Variants in ZFYVE9 observed in about 807,000 individuals in gnomAD.
The protein encoded by ZFYVE9 is zinc finger FYVE-type containing 9.
A neutral mutation model predicts 126.7 loss-of-function variants in ZFYVE9; 43 were observed. The ratio of observed to expected loss-of-function variants is 0.34; its 90% CI spans 0.27 to 0.44. The LOEUF (loss-of-function observed/expected upper bound fraction) is 0.44, where lower values mean the gene tolerates loss of function less well. ZFYVE9 is among the 20% of genes least tolerant of loss of function. The pLI is 1.00. For synonymous variants in ZFYVE9, 521 were observed against 597.4 expected (o/e 0.87, Z 1.87); for missense variants, 1,476 against 1,697.0 (o/e 0.87, Z 2.29).
intron 1 of ZFYVE9, among the ~76,000 whole-genome samples, chr1:52,156,490 G>A (rs1644404547): frequency 6.6e-6 from 1 of 152,170 alleles, no homozygotes; most frequent in South Asian, 2.1e-4. Context: ...CCCAGGGGAC[G>A]GAGAGCTATT....
chr1:52,332,410 A>T (rs1646350848), intron 13 of ZFYVE9, among the ~76,000 whole-genome samples: 1 of 152,198 alleles, frequency 6.6e-6, no homozygotes, highest in Admixed American at 6.5e-5. Flanking sequence ...ATTCTTTTGA[A>T]CTTAGAATTT....
intron 13 of ZFYVE9, among the ~76,000 whole-genome samples, chr1:52,308,891 G>A (rs1646111478): frequency 6.6e-6 from 1 of 152,198 alleles, no homozygotes; most frequent in Non-Finnish European, 1.5e-5. Flanking sequence ...AAACACCCTA[G>A]TACGGAGTGG....
intron 13 of ZFYVE9, 62 bp from the exon 14 acceptor site, chr1:52,332,706 G>A (rs1010674009): frequency 6.4e-7 from 1 of 1,564,470 alleles, no homozygotes; most frequent in Non-Finnish European, 8.6e-7. Context: ...AGATGGAGTT[G>A]CACCATGTCA....
intron 1 of ZFYVE9, among the ~76,000 whole-genome samples, chr1:52,173,191 A>C (rs971141217): frequency 3.9e-5 from 6 of 152,134 alleles, no homozygotes; most frequent in Non-Finnish European, 8.8e-5. Context: ...TACCTAATTT[A>C]TTGAGAGTTT....
chr1:52,344,318 C>T (rs1646465939), intron 17 of ZFYVE9, among the ~76,000 whole-genome samples: 1 of 152,198 alleles, frequency 6.6e-6, no homozygotes, highest in African/African-American at 2.4e-5. Context: ...TTCTTCTGTG[C>T]CCTTGAGCCA....
chr1:52,278,356 A>G, intron 8 of ZFYVE9, 136 bp from the exon 9 acceptor site: 1 of 1,147,250 alleles, frequency 8.7e-7, no homozygotes, highest in Non-Finnish European at 1.3e-6. Context: ...GCAGATACAA[A>G]CCATGCTCTG....
chr1:52,182,021 C>T (rs1644712295), intron 1 of ZFYVE9, among the ~76,000 whole-genome samples: 1 of 151,342 alleles, frequency 6.6e-6, no homozygotes, highest in Non-Finnish European at 1.5e-5. Flanking sequence ...CACCGCCCGG[C>T]CAGCCGCCCC....
At chr1:52,318,370 ATGTGTGTG>A (rs59683935) in intron 13 of ZFYVE9, among the ~76,000 whole-genome samples, 19,922 of 144,216 alleles carry the variant, frequency 0.14, 1,387 homozygotes, top group Non-Finnish European at 0.16. Flanking sequence ...GCATGATTGT[ATGTGTGTG>A]TGTGTGTGTG....
chr1:52,259,964 G>A (rs1645563166), intron 4 of ZFYVE9, among the ~76,000 whole-genome samples: 1 of 152,060 alleles, frequency 6.6e-6, no homozygotes, highest in Non-Finnish European at 1.5e-5. Context: ...TTACACTACT[G>A]ATGAACACTT....
chr1:52,233,457 C>T (rs993845075), intron 3 of ZFYVE9, among the ~76,000 whole-genome samples, 181 bp downstream of exon 3: 12 of 152,108 alleles, frequency 7.9e-5, no homozygotes, highest in Admixed American at 6.6e-4. Context: ...TACTTAAAAT[C>T]CCACAGATCT....
intron 1 of ZFYVE9, among the ~76,000 whole-genome samples, chr1:52,168,807 C>T (rs1343612821): frequency 1.3e-5 from 2 of 152,110 alleles, no homozygotes; most frequent in Admixed American, 6.5e-5. Context: ...TGAGCCACCA[C>T]GCCTAGCCAG....
chr1:52,152,155 A>C (rs892490877), intron 1 of ZFYVE9, among the ~76,000 whole-genome samples: 1 of 151,778 alleles, frequency 6.6e-6, no homozygotes, highest in African/African-American at 2.4e-5. Flanking sequence ...ATGTCTGGCT[A>C]ATTTTTGTAT....
chr1:52,182,980 A>C (rs1274329739), intron 1 of ZFYVE9, among the ~76,000 whole-genome samples: 2 of 152,210 alleles, frequency 1.3e-5, no homozygotes, highest in African/African-American at 2.4e-5. Flanking sequence ...GTCTATTAGG[A>C]TTGGCAATTA....
intron 4 of ZFYVE9, among the ~76,000 whole-genome samples, chr1:52,249,413 C>T (rs980642474): frequency 6.6e-6 from 1 of 152,160 alleles, no homozygotes; most frequent in African/African-American, 2.4e-5. Context: ...AGCCTCTTTT[C>T]ATGTACTTAC....
rs376277771 is a variant in ZFYVE9, at chr1:52,333,025, A to G, written c.3589+107A>G. 81 of 1,397,762 alleles carry G rather than the reference A, an allele frequency of 5.8e-5. No individual in the cohort carries two copies. In the East Asian group the frequency reaches 1.2e-3, roughly 21 times the overall value. The allele number at this position is 1,397,762 out of a possible 1,614,324, so 86.6% of individuals were successfully genotyped here. On this transcript the variant is annotated intron_variant, in intron 14 of 18. Coordinates refer to ENST00000287727, the MANE Select transcript of ZFYVE9 (RefSeq NM_004799.4). ...CTCACTTTCTAGATAGGTGACCACA[A>G]ACAAATTAATTAACCTTTCCAACCA...
intron 1 of ZFYVE9, among the ~76,000 whole-genome samples, chr1:52,182,984 G>A (rs1444633395): frequency 6.6e-6 from 1 of 152,138 alleles, no homozygotes; most frequent in Non-Finnish European, 1.5e-5. Flanking sequence ...ATTAGGATTG[G>A]CAATTAGAAA....
intron 1 of ZFYVE9, among the ~76,000 whole-genome samples, chr1:52,151,102 T>C (rs928494722): frequency 1.3e-5 from 2 of 152,140 alleles, no homozygotes; most frequent in Non-Finnish European, 2.9e-5. Flanking sequence ...TGAGATTCTT[T>C]AACCTGGCAT....
intron 1 of ZFYVE9, among the ~76,000 whole-genome samples, chr1:52,173,549 G>A (rs1003518358): frequency 8.5e-5 from 13 of 152,086 alleles, no homozygotes; most frequent in African/African-American, 1.7e-4. Flanking sequence ...CTCTTTTTCT[G>A]TTGATTGGAA....
At position 52,238,289 on chromosome 1, in the gene ZFYVE9, A is replaced by C; in HGVS notation, c.872A>C (p.Glu291Ala). Residue 291 changes from glutamate to alanine, a missense_variant, in exon 4 of 19, where the codon GAG (glutamate) becomes GCG (alanine). By Grantham distance (107) the Glu-to-Ala change is moderately radical. Transcript: ENST00000287727. Reference sequence around the variant, plus strand: ...AAGCAAGAGAACTATATACCAGATGAGGACCTCACTGGCAAAATCAGCTCT... The same window carrying C: ...AAGCAAGAGAACTATATACCAGATGCGGACCTCACTGGCAAAATCAGCTCT... ...VKKQENYIPDEDLTGKISSPR... is the reference protein window; with the variant it reads ...VKKQENYIPDADLTGKISSPR... The C allele has an allele frequency of 6.2e-7, 1 of 1,613,992 alleles. No homozygotes were observed. The highest frequency in any genetic ancestry group is 1.3e-5 in the African/African-American group (1 of 75,066).
Sources: gnomAD v4.1 joint callset for allele counts (sites outside exome capture counted in the v4.1 genomes callset) on GRCh38, gnomAD v4.1.1 for gene constraint, MANE v1.5 for transcripts, NCBI Gene and HGNC (gene_info 2026-07-23, HGNC 2026-07-21) for gene names.